Variants in EBF1 observed in about 807,000 individuals in gnomAD.
The protein encoded by EBF1 is EBF transcription factor 1.
Under a neutral mutation model 68.4 loss-of-function variants are expected in EBF1, and 10 were observed. That is an observed-to-expected ratio of 0.15 (90% confidence interval 0.09 to 0.25). EBF1 has a LOEUF of 0.25. Ranked by LOEUF, EBF1 falls within the 10% of genes least tolerant of loss-of-function variation. EBF1 has a pLI of 1.00. For synonymous variants in EBF1, 298 were observed against 299.8 expected (o/e 0.99, Z 0.06); for missense variants, 509 against 794.4 (o/e 0.64, Z 4.32).
intron 6 of EBF1, among the ~76,000 whole-genome samples, chr5:159,022,087 C>T (rs1000070954): frequency 2.3e-5 from 3 of 131,308 alleles, no homozygotes; most frequent in Non-Finnish European, 3.2e-5. Context: ...GGCAAGAGAA[C>T]GTTTCATCTG....
At chr5:159,020,442 G>A (rs1048997570) in intron 6 of EBF1, among the ~76,000 whole-genome samples, 8 of 152,058 alleles carry the variant, frequency 5.3e-5, no homozygotes, top group South Asian at 2.1e-4. Context: ...TGCAGTATCC[G>A]CCAAAGCCCA....
At chr5:158,885,012 G>T (rs1178251232) in intron 6 of EBF1, among the ~76,000 whole-genome samples, 1 of 152,196 alleles carries the variant, frequency 6.6e-6, no homozygotes, top group Non-Finnish European at 1.5e-5. Context: ...GGGTGCTCCA[G>T]GCAGCAGATG....
chr5:158,821,605 A>G (rs992274675), intron 8 of EBF1, among the ~76,000 whole-genome samples: 1 of 152,192 alleles, frequency 6.6e-6, no homozygotes, highest in Non-Finnish European at 1.5e-5. Context: ...CACTCTCCAA[A>G]TCATGCCCAC....
Position 158,699,214 on chromosome 5 carries a change from TAAAA to T in EBF1, c.1745-76_1745-73del. Reference sequence around the variant, plus strand: ...TCTCACTGAGAAAAATAATGAAGACTAAAAAAAAAAAAACACCCACACACAACTA... The same window carrying T: ...TCTCACTGAGAAAAATAATGAAGACTAAAAAAAAACACCCACACACAACTA... On this transcript the variant is annotated intron_variant, in intron 15 of 15. Coordinates refer to ENST00000313708, the MANE Select transcript of EBF1 (RefSeq NM_024007.5). 11 of 1,152,022 alleles carry T rather than the reference TAAAA, an allele frequency of 9.5e-6. No individual in the cohort carries two copies. In the Middle Eastern group the frequency reaches 2.0e-3, roughly 209 times the overall value. 71.4% of individuals were successfully genotyped at this position (1,152,022 alleles called of 1,614,324 possible).
intron 6 of EBF1, among the ~76,000 whole-genome samples, chr5:158,938,419 T>C (rs1016770965): frequency 7.2e-5 from 11 of 152,234 alleles, no homozygotes; most frequent in Non-Finnish European, 1.5e-4. Context: ...CCTCCGGGAA[T>C]TGTCCCAGCT....
chr5:158,767,398 A>C (rs1468976306), intron 10 of EBF1, among the ~76,000 whole-genome samples: 1 of 152,170 alleles, frequency 6.6e-6, no homozygotes, highest in Non-Finnish European at 1.5e-5. Flanking sequence ...TCCCATCACC[A>C]ACAACTGCAT....
rs569806108 is a variant in EBF1 at position 158,875,413 on chromosome 5, T to C, written c.555-35303A>G. Among the ~76,000 whole-genome samples the C allele has an allele frequency of 1.8e-4, 28 of 152,342 alleles. No individual in the cohort carries two copies. In the South Asian group the frequency reaches 4.8e-3, roughly 26 times the overall value. ...ACTGAAACCAGTGTCACTTCATGAC[T>C]CAAGCAAGAGCACTTCCTATCCGAA... On this transcript the variant is annotated intron_variant, in intron 6 of 15. Coordinates refer to ENST00000313708, the MANE Select transcript of EBF1 (RefSeq NM_024007.5).
At chr5:158,880,246 C>T (rs1798635385) in intron 6 of EBF1, among the ~76,000 whole-genome samples, 1 of 152,204 alleles carries the variant, frequency 6.6e-6, no homozygotes, top group Admixed American at 6.5e-5. Context: ...GATACTCCAT[C>T]ATGCTTCCTC....
chr5:158,833,138 T>TAAAA (rs548995829), intron 7 of EBF1, among the ~76,000 whole-genome samples: 2 of 148,874 alleles, frequency 1.3e-5, no homozygotes, highest in African/African-American at 4.9e-5. Context: ...CCTTCTCTAC[T>TAAAA]AAAAAAAAAA....
At chr5:158,768,657 T>C (rs1773260696) in intron 10 of EBF1, among the ~76,000 whole-genome samples, 1 of 152,104 alleles carries the variant, frequency 6.6e-6, no homozygotes, top group Non-Finnish European at 1.5e-5. Context: ...TCGTTAACTT[T>C]AACAATGAAC....
intron 6 of EBF1, among the ~76,000 whole-genome samples, chr5:159,022,661 A>G (rs1766937818): frequency 6.6e-6 from 1 of 152,220 alleles, no homozygotes; most frequent in South Asian, 2.1e-4. Context: ...TGCAGTTTGT[A>G]TATAATGAAG....
At chr5:158,856,001 A>T (rs1234407122) in intron 6 of EBF1, among the ~76,000 whole-genome samples, 1 of 152,252 alleles carries the variant, frequency 6.6e-6, no homozygotes, top group Non-Finnish European at 1.5e-5. Flanking sequence ...ATATAAATAA[A>T]AATGTCATAA....
intron 6 of EBF1, among the ~76,000 whole-genome samples, chr5:158,937,892 A>G (rs1229512518): frequency 1.3e-5 from 2 of 152,136 alleles, no homozygotes; most frequent in Non-Finnish European, 2.9e-5. Flanking sequence ...CCCCTTGGCC[A>G]TTGTGCTTTC....
intron 8 of EBF1, among the ~76,000 whole-genome samples, chr5:158,799,404 ACT>A (rs1367345373): frequency 4.0e-5 from 6 of 149,414 alleles, no homozygotes; most frequent in Admixed American, 1.3e-4. Context: ...ACAGAGTGAG[ACT>A]CTGTCTCTTA....
chr5:159,050,231 CCT>C (rs1257727621), intron 6 of EBF1, among the ~76,000 whole-genome samples: 3 of 144,230 alleles, frequency 2.1e-5, no homozygotes, highest in South Asian at 2.3e-4. Context: ...TCCTCTCCTC[CCT>C]CTCTCTCTCC....
intron 6 of EBF1, among the ~76,000 whole-genome samples, chr5:158,849,748 A>G (rs1043191093): frequency 6.6e-6 from 1 of 152,344 alleles, no homozygotes; most frequent in African/African-American, 2.4e-5. Context: ...TCTTTCTTCT[A>G]TATTTTCTGA....
intron 8 of EBF1, among the ~76,000 whole-genome samples, chr5:158,802,222 G>T (rs1268537807): frequency 6.6e-6 from 1 of 152,034 alleles, no homozygotes; most frequent in African/African-American, 2.4e-5. Context: ...CCCAGGTTCA[G>T]CATTTATCAT....
chr5:158,725,969 T>A (rs1044967176), intron 11 of EBF1, among the ~76,000 whole-genome samples: 7 of 152,218 alleles, frequency 4.6e-5, no homozygotes, highest in Admixed American at 2.0e-4. Flanking sequence ...AAATGTGTTG[T>A]TCTTAAAAGG....
chr5:158,913,608 C>A (rs1427370432), intron 6 of EBF1, among the ~76,000 whole-genome samples: 2 of 151,982 alleles, frequency 1.3e-5, no homozygotes, highest in Admixed American at 6.6e-5. Context: ...GGACTCTGCA[C>A]CAGTTGTGAT....
Sources: allele counts gnomAD v4.1 joint callset (sites outside exome capture counted in the v4.1 genomes callset), GRCh38; gene constraint gnomAD v4.1.1; transcripts MANE v1.5; gene names NCBI Gene and HGNC (gene_info 2026-07-23, HGNC 2026-07-21).